The following GPC6 variants were observed in gnomAD, a reference collection of about 807,000 sequenced individuals.
The protein encoded by GPC6 is glypican-6.
Under a neutral mutation model 55.2 loss-of-function variants are expected in GPC6, and 14 were observed. The ratio of observed to expected loss-of-function variants is 0.25; its 90% CI spans 0.17 to 0.40. The LOEUF (loss-of-function observed/expected upper bound fraction) is 0.40, where lower values mean the gene tolerates loss of function less well. Among genes scored for constraint, GPC6 ranks in the 10% least tolerant of loss-of-function variants. The pLI, the probability that GPC6 is intolerant of heterozygous loss-of-function variation, is 1.00. For missense variants in GPC6, 641 were observed against 708.5 expected (o/e 0.90, Z 1.08); for synonymous variants, 278 against 259.6 (o/e 1.07, Z -0.68).
chr13:94,308,505 A>C (rs1876072988), intron 6 of GPC6, among the ~76,000 whole-genome samples: 1 of 152,188 alleles, frequency 6.6e-6, no homozygotes, highest in African/African-American at 2.4e-5. Context: ...AATGATTGGT[A>C]ATGGTTAAAC....
intron 4 of GPC6, among the ~76,000 whole-genome samples, chr13:94,147,642 C>T (rs1164499114): frequency 6.6e-6 from 1 of 152,092 alleles, no homozygotes; most frequent in Non-Finnish European, 1.5e-5. Flanking sequence ...GACACTGGAC[C>T]AAAGATCAGA....
At chr13:94,026,078 A>T (rs749321554) in intron 3 of GPC6, among the ~76,000 whole-genome samples, 7 of 152,316 alleles carry the variant, frequency 4.6e-5, no homozygotes, top group Non-Finnish European at 8.8e-5. Flanking sequence ...AAAGTCTTTC[A>T]CCTATTCTGC....
chr13:93,339,773 T>C (rs966670587), intron 1 of GPC6, among the ~76,000 whole-genome samples: 2 of 152,208 alleles, frequency 1.3e-5, no homozygotes, highest in Non-Finnish European at 1.5e-5. Flanking sequence ...TCAAAAGCAA[T>C]AATGTTTTGT....
chr13:93,322,166 T>C (rs1282242971), intron 1 of GPC6, among the ~76,000 whole-genome samples: 1 of 152,170 alleles, frequency 6.6e-6, no homozygotes, highest in Non-Finnish European at 1.5e-5. Context: ...TTTAAAACTT[T>C]TAAGTTCAAG....
chr13:93,388,325 G>A (rs1875483340), intron 1 of GPC6, among the ~76,000 whole-genome samples: 2 of 152,138 alleles, frequency 1.3e-5, no homozygotes, highest in Admixed American at 1.3e-4. Context: ...GAGACCTGAA[G>A]CATCTTTCTG....
chr13:94,006,764 G>T (rs1011314377), intron 3 of GPC6, among the ~76,000 whole-genome samples: 1 of 152,148 alleles, frequency 6.6e-6, no homozygotes, highest in Non-Finnish European at 1.5e-5. Flanking sequence ...CGTTTCCAGA[G>T]ATGAAATTGA....
chr13:94,135,783 G>A (rs539067137), intron 4 of GPC6, among the ~76,000 whole-genome samples: 1 of 152,172 alleles, frequency 6.6e-6, no homozygotes, highest in Admixed American at 6.5e-5. Flanking sequence ...ATGAAACTAA[G>A]ACAAACAGCT....
intron 4 of GPC6, among the ~76,000 whole-genome samples, chr13:94,086,679 G>A (rs373486594): frequency 6.7e-6 from 1 of 150,194 alleles, no homozygotes; most frequent in African/African-American, 2.4e-5. Context: ...CAGATCCTCA[G>A]GCTATCTTAA....
intron 3 of GPC6, among the ~76,000 whole-genome samples, chr13:93,954,381 C>A (rs1175829572): frequency 5.3e-5 from 8 of 152,120 alleles, no homozygotes; most frequent in Non-Finnish European, 1.2e-4. Flanking sequence ...GTGGCACAAT[C>A]TTAGCTCCAT....
At chr13:94,057,746 T>C (rs770693813) in intron 4 of GPC6, among the ~76,000 whole-genome samples, 4 of 152,218 alleles carry the variant, frequency 2.6e-5, no homozygotes, top group South Asian at 2.1e-4. Context: ...AACAGACTTA[T>C]TGGATGAAAG....
chr13:93,981,580 T>G (rs112562119), intron 3 of GPC6, among the ~76,000 whole-genome samples: 2,804 of 152,338 alleles, frequency 0.018, 100 homozygotes, highest in African/African-American at 0.064. Context: ...TTTCTGGTGC[T>G]GAAACATGAG....
intron 5 of GPC6, among the ~76,000 whole-genome samples, chr13:94,301,827 A>G (rs549867078): frequency 2.5e-4 from 38 of 152,306 alleles, no homozygotes; most frequent in Admixed American, 1.5e-3. Context: ...TCCAGCCATA[A>G]CCAACTGATC....
chr13:94,140,510 C>T (rs1334087281), intron 4 of GPC6, among the ~76,000 whole-genome samples: 1 of 152,170 alleles, frequency 6.6e-6, no homozygotes, highest in African/African-American at 2.4e-5. Flanking sequence ...TGGAAGCATT[C>T]ACAAGCAATG....
intron 1 of GPC6, among the ~76,000 whole-genome samples, chr13:93,440,420 C>A (rs906594546): frequency 2.6e-5 from 4 of 152,086 alleles, no homozygotes; most frequent in African/African-American, 9.7e-5. Flanking sequence ...ATTGTTATGG[C>A]TAATCAAATT....
At chr13:94,043,276 C>T (rs1201343703) in intron 4 of GPC6, among the ~76,000 whole-genome samples, 1 of 151,768 alleles carries the variant, frequency 6.6e-6, no homozygotes, top group East Asian at 1.9e-4. Context: ...TGCTATGAAG[C>T]CCTGTCTCCA....
chr13:94,273,854 C>G (rs1286433083), intron 4 of GPC6, among the ~76,000 whole-genome samples: 1 of 152,142 alleles, frequency 6.6e-6, no homozygotes, highest in South Asian at 2.1e-4. Flanking sequence ...ATCTTTAAGG[C>G]AAGGAATGAT....
chr13:93,380,518 A>G (rs1202024545), intron 1 of GPC6, among the ~76,000 whole-genome samples: 1 of 152,140 alleles, frequency 6.6e-6, no homozygotes, highest in African/African-American at 2.4e-5. Flanking sequence ...AGAATAGGAA[A>G]TGGAATTCCT....
intron 4 of GPC6, among the ~76,000 whole-genome samples, chr13:94,263,488 C>G (rs1891709872): frequency 6.6e-6 from 1 of 152,188 alleles, no homozygotes; most frequent in Non-Finnish European, 1.5e-5. Context: ...CCCTGTGCCT[C>G]TGCTTTCGAT....
intron 3 of GPC6, among the ~76,000 whole-genome samples, chr13:93,958,592 A>G (rs1879619810): frequency 6.6e-6 from 1 of 152,118 alleles, no homozygotes; most frequent in African/African-American, 2.4e-5. Flanking sequence ...TTTGTTCACT[A>G]TATAGCCTTA....
Sources: allele counts gnomAD v4.1 joint callset (sites outside exome capture counted in the v4.1 genomes callset), GRCh38; gene constraint gnomAD v4.1.1; transcripts MANE v1.5; gene names NCBI Gene and HGNC (gene_info 2026-07-23, HGNC 2026-07-21).